MAP4: variants seen among roughly 807,000 people sequenced by gnomAD.
The protein encoded by MAP4 is microtubule-associated protein 4.
In MAP4, 76 loss-of-function variants were observed where a neutral mutation model predicts 170.2. That is an observed-to-expected ratio of 0.45 (90% CI 0.37 to 0.54). The LOEUF is 0.54. MAP4 is among the 20% of genes least tolerant of loss of function. The probability of loss-of-function intolerance (pLI) is 0.00; values close to 1 mark genes in which losing one functional copy is unlikely to be tolerated. For missense variants in MAP4, 2,506 were observed against 2,748.0 expected (o/e 0.91, Z 1.97); for synonymous variants, 909 against 994.5 (o/e 0.91, Z 1.62).
At chr3:47,948,158 C>T (rs1304008589) in intron 3 of MAP4, among the ~76,000 whole-genome samples, 4 of 151,274 alleles carry the variant, frequency 2.6e-5, no homozygotes, top group African/African-American at 7.3e-5. Context: ...CCACCACGCC[C>T]GGCTAATTTT....
At chr3:47,875,986 G>A in intron 11 of MAP4, 86 bp from the exon 12 acceptor site, 1 of 1,004,974 alleles carries the variant, frequency 1.0e-6, no homozygotes, top group Non-Finnish European at 1.5e-6. Context: ...ATTAAAAAAA[G>A]TATAAATTGC....
Position 47,916,117 on chromosome 3 carries a change from C to A in MAP4, c.1710G>T (p.Val570=). 6.2e-7 allele frequency: 1 copy of A among 1,614,164 alleles called. No homozygotes were observed. Among genetic ancestry groups the A allele is most frequent in the Non-Finnish European group, 8.5e-7 (1 of 1,180,036 alleles). The part of the protein sequence containing the change: ...KDGVLTLANN[V]TPAKDVPPLS... ...GTGGTGGAACATCTTTGGCTGGAGT[C>A]ACATTGTTGGCCAGGGTCAGAACCC... Residue 570 remains valine, a synonymous_variant, in exon 7 of 21, where the codon GTG becomes GTT. Transcript: ENST00000683076.
intron 1 of MAP4, among the ~76,000 whole-genome samples, chr3:48,071,390 C>T (rs1057293782): frequency 6.6e-6 from 1 of 150,776 alleles, no homozygotes; most frequent in Non-Finnish European, 1.5e-5. Context: ...AAAAAAATAC[C>T]AAAAAAAATC....
chr3:47,974,888 T>C lies in MAP4; in HGVS notation c.292+2977A>G, dbSNP rs2100081075. 6.1e-6 allele frequency: 6 copies of C among 978,108 alleles called. No individual in the cohort carries two copies. The South Asian group carries it at 2.4e-4, about 38-fold the overall frequency. 60.6% of individuals were successfully genotyped at this position (978,108 alleles called of 1,614,324 possible). On this transcript the variant is annotated intron_variant, in intron 3 of 20. Coordinates refer to ENST00000683076, the MANE Select transcript of MAP4 (RefSeq NM_001385682.1). The stretch of plus-strand genomic sequence containing the variant: ...AAAATATCTATCATTATTTAGATTT[T>C]AGTAAGGTGGAGAGAAACATAGGTA...
At chr3:47,945,728 T>C (rs1220891089) in intron 3 of MAP4, among the ~76,000 whole-genome samples, 1 of 151,888 alleles carries the variant, frequency 6.6e-6, no homozygotes, top group Non-Finnish European at 1.5e-5. Flanking sequence ...TAATATTTTT[T>C]ATTTTTTTGG....
intron 1 of MAP4, among the ~76,000 whole-genome samples, chr3:48,041,755 C>T (rs961967884): frequency 7.2e-5 from 11 of 152,144 alleles, no homozygotes; most frequent in African/African-American, 1.2e-4. Flanking sequence ...TAGAAATTGA[C>T]AATCAATCCT....
Position 47,911,513 on chromosome 3 carries a change from G to C in MAP4, c.2908C>G (p.Pro970Ala). ...GCTATCAAAGTGGGTACCAAATTTG[G>C]TATTTCTTTTGCTGCTGTGGGTTTT... ...VSKPTAAKEIPNLVPTLIASN... is the reference protein window; with the variant it reads ...VSKPTAAKEIANLVPTLIASN... Residue 970 changes from proline to alanine, a missense_variant, in exon 9 of 21, where the codon CCA becomes GCA. Physicochemically the swap from Pro to Ala is conservative, Grantham distance 27. Around this residue, in one of 3 missense-constraint regions of MAP4, gnomAD observed 2,008 missense variants for 2,206.0 expected, o/e 0.91. Coordinates refer to ENST00000683076, the MANE Select transcript of MAP4 (RefSeq NM_001385682.1). This position sits in a 1 kb window ranked among gnomAD's most constrained non-coding sequence, Gnocchi z 4.0. The C allele has an allele frequency of 6.5e-7, 1 of 1,535,832 alleles. No individual in the cohort carries two copies. The highest frequency in any genetic ancestry group is 1.2e-5 in the South Asian group (1 of 84,042).
chr3:47,853,006 C>CG (rs2045969056), intron 20 of MAP4, 68 bp from the exon 21 acceptor site: 1 of 1,614,044 alleles, frequency 6.2e-7, no homozygotes, highest in East Asian at 2.2e-5. Flanking sequence ...ACGGGGGAGA[C>CG]GGAAGACGAG....
intron 1 of MAP4, among the ~76,000 whole-genome samples, chr3:48,038,083 G>A (rs771562948): frequency 9.9e-5 from 15 of 150,906 alleles, no homozygotes; most frequent in Admixed American, 2.0e-4. Flanking sequence ...CAAGAGAATC[G>A]CTTCAACCCA....
intron 1 of MAP4, among the ~76,000 whole-genome samples, chr3:48,055,182 C>CTCCGTCTCCGTCTCCGTCTCCGTCTCCG (rs1559867024): frequency 9.7e-5 from 8 of 82,264 alleles, no homozygotes; most frequent in African/African-American, 4.1e-4. Context: ...AAAAGTCTCC[C>CTCCGTCTCCGTCTCCGTCTCCGTCTCCG]TCTCCCTCTC....
chr3:47,973,140 G>A (rs540460482), intron 3 of MAP4: 4 of 982,834 alleles, frequency 4.1e-6, no homozygotes, highest in Admixed American at 6.1e-5. Context: ...CACATTAGAA[G>A]TCCCAATATA....
intron 17 of MAP4, among the ~76,000 whole-genome samples, chr3:47,859,304 A>G (rs550779385): frequency 3.9e-5 from 6 of 152,336 alleles, no homozygotes; most frequent in African/African-American, 1.4e-4. Flanking sequence ...GGTGGGTTTC[A>G]CCACAAGCTG....
intron 3 of MAP4, among the ~76,000 whole-genome samples, chr3:47,972,388 T>C (rs533810392): frequency 1.7e-4 from 26 of 152,206 alleles, no homozygotes; most frequent in Non-Finnish European, 3.4e-4. Flanking sequence ...TGCACTAAAC[T>C]AAATGTAGTG....
chr3:47,973,187 C>T (rs1209846921), intron 3 of MAP4: 6 of 982,658 alleles, frequency 6.1e-6, no homozygotes, highest in Non-Finnish European at 7.2e-6. Flanking sequence ...AAAATACAAA[C>T]TTAGGTATAC....
chr3:48,081,102 C>A (rs1055092382), intron 1 of MAP4, among the ~76,000 whole-genome samples: 1 of 150,680 alleles, frequency 6.6e-6, no homozygotes, highest in Non-Finnish European at 1.5e-5. Flanking sequence ...CCAGCCCAGG[C>A]GACAGAGCGA....
chr3:47,923,330 TG>T (rs2100044036), intron 4 of MAP4, among the ~76,000 whole-genome samples: 1 of 151,440 alleles, frequency 6.6e-6, no homozygotes, highest in Non-Finnish European at 1.5e-5. Flanking sequence ...ACCCTCTTTT[TG>T]TAAGAAATTT....
At chr3:48,068,520 T>A (rs1043587387) in intron 1 of MAP4, among the ~76,000 whole-genome samples, 1 of 152,166 alleles carries the variant, frequency 6.6e-6, no homozygotes. Flanking sequence ...CCAGGTGTGG[T>A]GGCTCACGCC....
intron 3 of MAP4, among the ~76,000 whole-genome samples, chr3:47,960,093 ATC>A (rs1384554752): frequency 1.3e-5 from 2 of 151,922 alleles, no homozygotes; most frequent in Non-Finnish European, 2.9e-5. Flanking sequence ...TGAACTTGGG[ATC>A]TCAAGTGATC....
chr3:47,865,030 C>G (rs1025034693), intron 17 of MAP4, among the ~76,000 whole-genome samples: 4 of 152,216 alleles, frequency 2.6e-5, no homozygotes, highest in African/African-American at 7.2e-5. Context: ...ATCTTCCCAC[C>G]AGGAAAGATG....
Sources: gnomAD v4.1 joint callset for allele counts (sites outside exome capture counted in the v4.1 genomes callset) on GRCh38, gnomAD v4.1.1 for gene constraint, gnomAD v4.1.1 regional missense constraint, Gnocchi (gnomAD v3.1) non-coding constraint, MANE v1.5 for transcripts, NCBI Gene and HGNC (gene_info 2026-07-23, HGNC 2026-07-21) for gene names.